Variants in SPDYE10 observed in about 807,000 individuals in gnomAD.
SPDYE10 encodes speedy protein E10.
chr7:73,150,907 A>AAAAAAAAAC, the SPDYE10 span, among the ~76,000 whole-genome samples: 1 of 11,572 alleles, frequency 8.6e-5, no homozygotes, highest in African/African-American at 3.5e-4. Context: ...AAAAAAAAAA[A>AAAAAAAAAC]ATATATATAT....
chr7:73,125,145 A>G, the SPDYE10 span, among the ~76,000 whole-genome samples: 4 of 126,374 alleles, frequency 3.2e-5, no homozygotes, highest in Non-Finnish European at 4.8e-5. Context: ...CATGCTATCC[A>G]TCACCGGCCA....
the SPDYE10 span, among the ~76,000 whole-genome samples, chr7:73,150,948 A>ATATATATATT: frequency 2.0e-4 from 1 of 4,940 alleles, no homozygotes; most frequent in African/African-American, 8.9e-4. Flanking sequence ...ATATATATAT[A>ATATATATATT]TTTTTTTTTT....
the SPDYE10 span, among the ~76,000 whole-genome samples, chr7:73,154,629 T>C: frequency 6.8e-6 from 1 of 147,874 alleles, no homozygotes; most frequent in African/African-American, 2.6e-5. Context: ...CGCTTTACAC[T>C]CCAAGCACCT....
the SPDYE10 span, among the ~76,000 whole-genome samples, chr7:73,135,309 T>C: frequency 6.6e-6 from 1 of 151,826 alleles, no homozygotes; most frequent in Non-Finnish European, 1.5e-5. Context: ...ACCCGTTTCC[T>C]TCCTTTCCTC....
At chr7:73,113,903 G>A in the SPDYE10 span, among the ~76,000 whole-genome samples, 2 of 151,972 alleles carry the variant, frequency 1.3e-5, no homozygotes, top group African/African-American at 2.4e-5. Flanking sequence ...GCGGGCACCT[G>A]TATTCCCAGC....
the SPDYE10 span, among the ~76,000 whole-genome samples, chr7:73,134,687 C>A: frequency 2.0e-5 from 3 of 152,230 alleles, no homozygotes; most frequent in Admixed American, 2.0e-4. Flanking sequence ...CATGGCGAAA[C>A]CCCGTCTCTA....
At chr7:73,130,355 G>C in the SPDYE10 span, among the ~76,000 whole-genome samples, 2 of 152,026 alleles carry the variant, frequency 1.3e-5, no homozygotes, top group East Asian at 3.8e-4. Context: ...TCAAAACATG[G>C]TTAACAGGAT....
the SPDYE10 span, among the ~76,000 whole-genome samples, chr7:73,124,938 T>TAAATAAAG: frequency 5.5e-5 from 8 of 144,270 alleles, no homozygotes; most frequent in African/African-American, 8.2e-5. Flanking sequence ...AATAAATAAA[T>TAAATAAAG]AAAGAAATAA....
the SPDYE10 span, among the ~76,000 whole-genome samples, chr7:73,150,943 TATA>T: frequency 9.5e-4 from 17 of 17,818 alleles, no homozygotes; most frequent in African/African-American, 3.5e-3. Flanking sequence ...TATATATATA[TATA>T]TATTTTTTTT....
the SPDYE10 span, chr7:73,155,076 T>G: frequency 6.9e-6 from 1 of 145,100 alleles, no homozygotes; most frequent in African/African-American, 2.6e-5. Context: ...TCCTCCCTTT[T>G]GTCCGGCCCG....
chr7:73,144,738 C>CAAAA, the SPDYE10 span, among the ~76,000 whole-genome samples: 1 of 85,288 alleles, frequency 1.2e-5, no homozygotes. Flanking sequence ...GACCCTGTCT[C>CAAAA]AAAAAAAAAA....
At chr7:73,138,627 TC>T in the SPDYE10 span, among the ~76,000 whole-genome samples, 1 of 151,760 alleles carries the variant, frequency 6.6e-6, no homozygotes, top group Non-Finnish European at 1.5e-5. Flanking sequence ...TCCACCCACC[TC>T]ACCCTCCCAA....
At chr7:73,113,925 C>G in the SPDYE10 span, among the ~76,000 whole-genome samples, 2 of 151,958 alleles carry the variant, frequency 1.3e-5, no homozygotes, top group Admixed American at 1.3e-4. Context: ...ACTCAGGAGG[C>G]TGAGGCAGGA....
the SPDYE10 span, among the ~76,000 whole-genome samples, chr7:73,150,907 A>AAAAAAAAAAT: frequency 8.6e-5 from 1 of 11,576 alleles, no homozygotes; most frequent in African/African-American, 3.5e-4. Flanking sequence ...AAAAAAAAAA[A>AAAAAAAAAAT]ATATATATAT....
the SPDYE10 span, among the ~76,000 whole-genome samples, chr7:73,129,846 GTTGT>G: frequency 4.6e-5 from 7 of 152,156 alleles, no homozygotes; most frequent in Non-Finnish European, 8.8e-5. Context: ...AATATCACTT[GTTGT>G]TTGTTTGTTT....
At chr7:73,154,450 C>T in the SPDYE10 span, among the ~76,000 whole-genome samples, 1 of 149,488 alleles carries the variant, frequency 6.7e-6, no homozygotes, top group Non-Finnish European at 1.5e-5. Flanking sequence ...CAAAACCCAG[C>T]CTGAGTGTCC....
At chr7:73,141,111 C>CACACACAG in the SPDYE10 span, among the ~76,000 whole-genome samples, 84 of 145,182 alleles carry the variant, frequency 5.8e-4, no homozygotes, top group African/African-American at 1.9e-3. Context: ...CACACACACA[C>CACACACAG]AGACAAAATT....
chr7:73,127,809 A>G, the SPDYE10 span, among the ~76,000 whole-genome samples: 1 of 121,592 alleles, frequency 8.2e-6, no homozygotes, highest in Non-Finnish European at 1.7e-5. Context: ...AGCAAAAGCT[A>G]AAGTCTGATA....
chr7:73,137,499 G>A, the SPDYE10 span, among the ~76,000 whole-genome samples: 1 of 147,928 alleles, frequency 6.8e-6, no homozygotes, highest in South Asian at 2.1e-4. Flanking sequence ...TCCAGCCTGG[G>A]CAACACAGTG....
Sources: allele counts gnomAD v4.1 joint callset (sites outside exome capture counted in the v4.1 genomes callset), GRCh38; gene constraint gnomAD v4.1.1; transcripts MANE v1.5; gene names NCBI Gene and HGNC (gene_info 2026-07-23, HGNC 2026-07-21).